The following FGGY variants were observed in gnomAD, a reference collection of about 807,000 sequenced individuals.
FGGY encodes the protein FGGY carbohydrate kinase domain containing.
Under a neutral mutation model 71.3 loss-of-function variants are expected in FGGY, and 72 were observed. The ratio of observed to expected loss-of-function variants is 1.01; its 90% confidence interval spans 0.84 to 1.23. The LOEUF is 1.23. Ranked by LOEUF, FGGY falls within the 50% of genes most tolerant of loss-of-function variation. The pLI is 0.00. For missense variants in FGGY, 668 were observed against 682.3 expected (o/e 0.98, Z 0.23); for synonymous variants, 251 against 250.3 (o/e 1.00, Z -0.02).
intron 6 of FGGY, among the ~76,000 whole-genome samples, chr1:59,463,674 A>C (rs542790649): frequency 1.0e-4 from 13 of 130,368 alleles, no homozygotes; most frequent in African/African-American, 4.0e-4. Context: ...AAGATCTACC[A>C]AGCAAATGGA....
intron 14 of FGGY, among the ~76,000 whole-genome samples, chr1:59,680,357 ATAAT>A (rs1205814539): frequency 6.6e-6 from 1 of 152,026 alleles, no homozygotes; most frequent in African/African-American, 2.4e-5. Flanking sequence ...GAATGGTATA[ATAAT>A]TAATAATTGA....
intron 7 of FGGY, among the ~76,000 whole-genome samples, chr1:59,530,941 G>C (rs1434851611): frequency 6.6e-6 from 1 of 152,186 alleles, no homozygotes; most frequent in Non-Finnish European, 1.5e-5. Flanking sequence ...ACTGTTGTAA[G>C]AGACCTTGAA....
At chr1:59,652,715 A>G (rs2097176199) in intron 11 of FGGY, among the ~76,000 whole-genome samples, 1 of 150,036 alleles carries the variant, frequency 6.7e-6, no homozygotes, top group South Asian at 2.1e-4. Flanking sequence ...CCCGTAGCTC[A>G]GAGTAATTTG....
intron 4 of FGGY, among the ~76,000 whole-genome samples, chr1:59,347,102 C>CTTTT (rs58319841): frequency 1.1e-4 from 16 of 151,016 alleles, no homozygotes; most frequent in South Asian, 4.2e-4. Flanking sequence ...TTCGGTTATT[C>CTTTT]TTTATTATTA....
intron 14 of FGGY, among the ~76,000 whole-genome samples, chr1:59,730,778 A>C (rs1490232248): frequency 3.3e-5 from 5 of 152,256 alleles, no homozygotes; most frequent in African/African-American, 4.8e-5. Flanking sequence ...AGAGAAGAAA[A>C]CCATCACCTG....
At chr1:59,472,688 A>G (rs2093023668) in intron 6 of FGGY, among the ~76,000 whole-genome samples, 1 of 152,232 alleles carries the variant, frequency 6.6e-6, no homozygotes, top group South Asian at 2.1e-4. Flanking sequence ...CGAATGCACC[A>G]GTCCACACTC....
In FGGY at chr1:59,674,080, G is replaced by A. The variant is rs1214274108; in HGVS notation, c.1459G>A (p.Val487Met). 1 of 1,614,058 alleles carries A rather than the reference G, an allele frequency of 6.2e-7. No individual in the cohort carries two copies. The highest frequency in any genetic ancestry group is 8.5e-7 in the Non-Finnish European group (1 of 1,179,966). Residue 487 changes from valine (V) to methionine (M), a missense_variant, in exon 14 of 16, where the codon GTG (valine) becomes ATG (methionine). This residue lies in a region of FGGY where 661 missense variants were observed against 661.6 expected (regional missense o/e 1.00). Transcript: ENST00000303721. ...GTCGCAAGAGGTGGAGTCCGTTCTT[G>A]TGGGTGCTGCTGTTCTGGGTGCCTG... is the stretch of plus-strand genomic sequence containing the variant. ...VLSQEVESVL[V>M]GAAVLGACAS...
At chr1:59,673,900 A>T in intron 13 of FGGY, 139 bp from the exon 14 acceptor site, 1 of 649,620 alleles carries the variant, frequency 1.5e-6, no homozygotes, top group Non-Finnish European at 2.8e-6. Flanking sequence ...AGGAATAAAG[A>T]AGGGAGGACT....
At chr1:59,514,790 G>A (rs928596244) in intron 7 of FGGY, among the ~76,000 whole-genome samples, 4 of 151,946 alleles carry the variant, frequency 2.6e-5, no homozygotes, top group Non-Finnish European at 5.9e-5. Context: ...TTTGCTCTTC[G>A]CCATGATTAT....
At chr1:59,416,742 T>C (rs1335963589) in intron 5 of FGGY, among the ~76,000 whole-genome samples, 1 of 152,172 alleles carries the variant, frequency 6.6e-6, no homozygotes, top group Non-Finnish European at 1.5e-5. Context: ...ATGATGAGAT[T>C]TTTTGTTTTG....
chr1:59,592,188 T>G (rs1449757865), intron 8 of FGGY, among the ~76,000 whole-genome samples: 3 of 152,186 alleles, frequency 2.0e-5, no homozygotes, highest in Non-Finnish European at 4.4e-5. Flanking sequence ...GAAAAAATGC[T>G]CACCATCACT....
At chr1:59,638,674 TG>T (rs537033367) in intron 11 of FGGY, among the ~76,000 whole-genome samples, 136 of 152,320 alleles carry the variant, frequency 8.9e-4, no homozygotes, top group African/African-American at 3.1e-3. Flanking sequence ...TATATCAGTT[TG>T]TAAAGTCAAA....
intron 14 of FGGY, among the ~76,000 whole-genome samples, chr1:59,753,491 T>TGC (rs1330280120): frequency 8.0e-6 from 1 of 125,254 alleles, no homozygotes; most frequent in Non-Finnish European, 1.7e-5. Flanking sequence ...TATATATATA[T>TGC]ATATATATAT....
intron 14 of FGGY, among the ~76,000 whole-genome samples, chr1:59,704,276 A>G (rs182709697): frequency 2.6e-5 from 4 of 152,256 alleles, no homozygotes; most frequent in Non-Finnish European, 5.9e-5. Context: ...AACCCCGAGC[A>G]CAAAGCAAGT....
At chr1:59,346,977 A>T (rs191670021) in intron 4 of FGGY, among the ~76,000 whole-genome samples, 1 of 139,260 alleles carries the variant, frequency 7.2e-6, no homozygotes, top group African/African-American at 2.7e-5. Context: ...TTAAGTATCA[A>T]TTTCTCTTTT....
chr1:59,302,309 C>G (rs889087746), intron 1 of FGGY, among the ~76,000 whole-genome samples: 21 of 151,898 alleles, frequency 1.4e-4, no homozygotes, highest in Non-Finnish European at 2.5e-4. Context: ...GTATTTCTTC[C>G]ATTTTGATTT....
At chr1:59,429,163 T>C (rs942302245) in intron 5 of FGGY, among the ~76,000 whole-genome samples, 1 of 151,892 alleles carries the variant, frequency 6.6e-6, no homozygotes, top group African/African-American at 2.4e-5. Context: ...TAAAGAGAAG[T>C]GATATGCCAA....
rs1037401643 is a variant in FGGY at position 59,356,946 on chromosome 1, C to A, written c.465+10548C>A. Among the ~76,000 whole-genome samples, 93 of 152,242 alleles carry A rather than the reference C, an allele frequency of 6.1e-4. 2 individuals carry two copies. The highest frequency in any genetic ancestry group is 2.1e-3 in the African/African-American group (89 of 41,566). On this transcript the variant is annotated intron_variant, in intron 4 of 15. Coordinates refer to ENST00000303721, the MANE Select transcript of FGGY (RefSeq NM_018291.5). ...ACTTTAAGTTGCTCCCTTCACCCCC[C>A]AGGAGAATCCAAGACTCATCTTCTC...
At chr1:59,732,699 G>C (rs2098049651) in intron 14 of FGGY, among the ~76,000 whole-genome samples, 1 of 152,126 alleles carries the variant, frequency 6.6e-6, no homozygotes, top group Non-Finnish European at 1.5e-5. Flanking sequence ...CAGGAGCTTA[G>C]CTAGTTGGTT....
Sources: allele counts gnomAD v4.1 joint callset (sites outside exome capture counted in the v4.1 genomes callset), GRCh38; gene constraint gnomAD v4.1.1; regional missense constraint gnomAD v4.1.1; transcripts MANE v1.5; gene names NCBI Gene and HGNC (gene_info 2026-07-23, HGNC 2026-07-21).